The following EFCAB9 variants were observed in gnomAD, a reference collection of about 807,000 sequenced individuals.
EFCAB9 encodes EF-hand calcium binding domain 9.
A neutral mutation model predicts 15.6 loss-of-function variants in EFCAB9; 16 were observed. The observed-to-expected ratio is 1.03, with a 90% CI of 0.69 to 1.56. EFCAB9 has a LOEUF of 1.56. EFCAB9 is among the 40% of genes most tolerant of loss of function. EFCAB9 has a pLI of 0.00. For synonymous variants in EFCAB9, 76 were observed against 85.4 expected (o/e 0.89, Z 0.61); for missense variants, 208 against 235.4 (o/e 0.88, Z 0.76).
chr5:172,198,096 C>T (rs891720457), intron 1 of EFCAB9, among the ~76,000 whole-genome samples: 10 of 152,288 alleles, frequency 6.6e-5, no homozygotes, highest in African/African-American at 2.2e-4. Context: ...AATCCTCTTG[C>T]AAGACAGAAA....
In EFCAB9 at chr5:172,200,528, A is replaced by G. The variant is rs988306855; in HGVS notation, c.286-38A>G. 63 of 1,512,838 alleles carry G rather than the reference A, an allele frequency of 4.2e-5. No individual in the cohort carries two copies. In the African/African-American group the frequency reaches 8.2e-4, roughly 20 times the overall value. 93.7% of individuals were successfully genotyped at this position (1,512,838 alleles called of 1,614,324 possible). On this transcript the variant is annotated intron_variant, in intron 2 of 3. Coordinates refer to ENST00000398186, the MANE Select transcript of EFCAB9 (RefSeq NM_001171183.2). ...AACAAGTTTAGAAAGCAGCATCGAC[A>G]ACACTGTTGCTCATCTCACCTATTT...
chr5:172,202,860 C>A (rs944859985), intron 3 of EFCAB9, among the ~76,000 whole-genome samples: 1 of 152,062 alleles, frequency 6.6e-6, no homozygotes, highest in Non-Finnish European at 1.5e-5. Flanking sequence ...ATTAGCTGGG[C>A]GTGGTGGTGT....
intron 1 of EFCAB9, among the ~76,000 whole-genome samples, chr5:172,196,443 G>A (rs1771163665): frequency 6.6e-6 from 1 of 151,406 alleles, no homozygotes; most frequent in Admixed American, 6.6e-5. Context: ...CTGGAGTGCA[G>A]TGGCGCCATC....
chr5:172,196,427 C>G (rs1290740392), intron 1 of EFCAB9, among the ~76,000 whole-genome samples: 3 of 150,882 alleles, frequency 2.0e-5, no homozygotes, highest in East Asian at 1.9e-4. Context: ...ACTCTTGTTG[C>G]TCAGGCTGGA....
At chr5:172,198,287 T>C (rs1036978306) in intron 1 of EFCAB9, among the ~76,000 whole-genome samples, 26 of 151,978 alleles carry the variant, frequency 1.7e-4, no homozygotes, top group Non-Finnish European at 2.9e-4. Flanking sequence ...GGCAGGTGGA[T>C]TGCTTGAGCC....
rs1771218603 is a variant in EFCAB9, at chr5:172,199,440, A to C, written c.194A>C (p.Asn65Thr). The change falls in exon 2 of 4, where the codon AAC (asparagine) becomes ACC (threonine). Residue 65 changes from asparagine to threonine, a missense_variant. Coordinates refer to ENST00000398186, the MANE Select transcript of EFCAB9 (RefSeq NM_001171183.2). ...HVTDLKKAQI[N>T]IVFDMLDWNA... ...ACTGACTTGAAAAAGGCACAGATCA[A>C]CATTGTGTTTGACATGCTGGACTGG... is the stretch of plus-strand genomic sequence containing the variant. The C allele has an allele frequency of 2.6e-6, 4 of 1,537,196 alleles. No individual in the cohort carries two copies. The highest frequency in any genetic ancestry group is 3.5e-6 in the Non-Finnish European group (4 of 1,146,932).
chr5:172,202,980 CAG>C (rs1200118221), intron 3 of EFCAB9, among the ~76,000 whole-genome samples: 2 of 152,290 alleles, frequency 1.3e-5, no homozygotes, highest in South Asian at 4.1e-4. Flanking sequence ...GCCTGGGCGA[CAG>C]AGAGAGACTC....
chr5:172,198,826 G>T (rs1375605488), intron 1 of EFCAB9, among the ~76,000 whole-genome samples: 1 of 152,196 alleles, frequency 6.6e-6, no homozygotes, highest in Non-Finnish European at 1.5e-5. Context: ...ATATTGGCTA[G>T]GCTGGTCTCA....
chr5:172,194,965 C>T (rs1771134880), intron 1 of EFCAB9, among the ~76,000 whole-genome samples: 1 of 151,938 alleles, frequency 6.6e-6, no homozygotes, highest in African/African-American at 2.4e-5. Flanking sequence ...AAATGCTTAG[C>T]ACAGTGTCTG....
intron 1 of EFCAB9, among the ~76,000 whole-genome samples, chr5:172,196,537 C>T (rs940569043): frequency 2.6e-5 from 4 of 152,026 alleles, no homozygotes; most frequent in South Asian, 2.1e-4. Flanking sequence ...CCACTACGTC[C>T]GGCTAATTTT....
In EFCAB9 at chr5:172,203,217, CTTAA is replaced by C. The variant is rs1164500990; in HGVS notation, c.470_473del (p.Asn157IlefsTer61). The C allele has an allele frequency of 2.6e-6, 4 of 1,515,704 alleles. No homozygotes were observed. In the African/African-American group the frequency reaches 5.6e-5, roughly 21 times the overall value. The allele number at this position is 1,515,704 out of a possible 1,614,324, so 93.9% of individuals were successfully genotyped here. A position where few individuals can be genotyped will look rare whatever the true frequency, so the allele number is the denominator to read the frequency against. On this transcript the variant is annotated frameshift_variant, in exon 4 of 4. Transcript: ENST00000398186. LOFTEE classifies it low-confidence loss of function (END_TRUNC). ...TTCCCCCCCACCCTAACCAAAGCGTCTTAATTATCAGGAATTTAAGCTGTATACA... is the reference window on the plus strand; with the variant it reads ...TTCCCCCCCACCCTAACCAAAGCGTCTTATCAGGAATTTAAGCTGTATACA...
intron 1 of EFCAB9, among the ~76,000 whole-genome samples, chr5:172,197,076 C>G (rs1771176658): frequency 6.6e-6 from 1 of 152,044 alleles, no homozygotes; most frequent in Non-Finnish European, 1.5e-5. Flanking sequence ...ACACTCGAAC[C>G]CCAGCTCTGC....
rs1390000643 is a variant in EFCAB9 at position 172,198,370 on chromosome 5, A to G, written c.137-1013A>G. On this transcript the variant is annotated intron_variant, in intron 1 of 3. Coordinates refer to ENST00000398186, the MANE Select transcript of EFCAB9 (RefSeq NM_001171183.2). Reference sequence around the variant, plus strand: ...CAAAAAATTAAAAAATTACCTGGACATGGTGGCATGCACCTGTGGTCCCAG... The same window carrying G: ...CAAAAAATTAAAAAATTACCTGGACGTGGTGGCATGCACCTGTGGTCCCAG... Among the ~76,000 whole-genome samples, 2 of 152,032 alleles carry G rather than the reference A, an allele frequency of 1.3e-5. 1 individual carries two copies. The highest frequency in any genetic ancestry group is 4.8e-5 in the African/African-American group (2 of 41,386).
chr5:172,202,490 T>G (rs1214864537), intron 3 of EFCAB9, among the ~76,000 whole-genome samples: 1 of 152,104 alleles, frequency 6.6e-6, no homozygotes, highest in Non-Finnish European at 1.5e-5. Flanking sequence ...GGTGGATAAC[T>G]TGAGGCCAGG....
In EFCAB9 at chr5:172,194,451, G is replaced by A. The variant is rs143760259; in HGVS notation, c.136+143G>A. On this transcript the variant is annotated intron_variant, in intron 1 of 3. Coordinates refer to ENST00000398186, the MANE Select transcript of EFCAB9 (RefSeq NM_001171183.2). ...ATCTCGCTCTATTGCCCAGGCTGGA[G>A]TACGATGGCGCGATCTCAGCTCACT... The A allele has an allele frequency of 7.2e-3, 7,987 of 1,106,814 alleles. 49 individuals are homozygous for A. The highest frequency in any genetic ancestry group is 8.3e-3 in the Non-Finnish European group (6,700 of 802,520). 68.6% of individuals were successfully genotyped at this position (1,106,814 alleles called of 1,614,324 possible). A position where few individuals can be genotyped will look rare whatever the true frequency, so the allele number is the denominator to read the frequency against.
At chr5:172,203,145 C>T (rs1317947704) in intron 3 of EFCAB9, 69 bp from the exon 4 acceptor site, 6 of 1,353,352 alleles carry the variant, frequency 4.4e-6, no homozygotes, top group South Asian at 1.4e-5. Flanking sequence ...GAATATAATC[C>T]TATCATCTGA....
intron 1 of EFCAB9, among the ~76,000 whole-genome samples, chr5:172,198,097 A>G (rs1771190999): frequency 6.6e-6 from 1 of 152,222 alleles, no homozygotes; most frequent in Non-Finnish European, 1.5e-5. Context: ...ATCCTCTTGC[A>G]AGACAGAAAA....
At chr5:172,195,964 C>T (rs936089688) in intron 1 of EFCAB9, among the ~76,000 whole-genome samples, 3 of 152,008 alleles carry the variant, frequency 2.0e-5, no homozygotes, top group African/African-American at 4.8e-5. Context: ...CCACCACACC[C>T]GCTAATTTCT....
chr5:172,200,676 T>C lies in EFCAB9; in HGVS notation c.396T>C (p.Phe132=). The change falls in exon 3 of 4, where the codon TTT becomes TTC. Residue 132 remains phenylalanine, a synonymous_variant. Coordinates refer to ENST00000398186, the MANE Select transcript of EFCAB9 (RefSeq NM_001171183.2). ...IGAKNFEMYR[F]LFNIQKQELK... ...CAAAAAACTTCGAAATGTACAGATT[T>C]CTCTTCAATATTCAAAAACAGGAAC... The C allele has an allele frequency of 6.5e-7, 1 of 1,537,474 alleles. No individual in the cohort carries two copies.
Sources: allele counts gnomAD v4.1 joint callset (sites outside exome capture counted in the v4.1 genomes callset), GRCh38; gene constraint gnomAD v4.1.1; transcripts MANE v1.5; gene names NCBI Gene and HGNC (gene_info 2026-07-23, HGNC 2026-07-21).